The following JAZF1 variants were observed in gnomAD, a reference collection of about 807,000 sequenced individuals.
The protein encoded by JAZF1 is JAZF zinc finger 1, also known as juxtaposed with another zinc finger protein 1.
In JAZF1, 8 loss-of-function variants were observed where a neutral mutation model predicts 26.4. The ratio of observed to expected loss-of-function variants is 0.30; its 90% confidence interval spans 0.18 to 0.55. JAZF1 has a LOEUF of 0.55. JAZF1 is among the 20% of genes least tolerant of loss of function. The pLI, the probability that JAZF1 is intolerant of heterozygous loss-of-function variation, is 0.94. For missense variants in JAZF1, 199 were observed against 322.0 expected (o/e 0.62, Z 2.92); for synonymous variants, 126 against 122.3 (o/e 1.03, Z -0.20).
chr7:27,911,182 T>C (rs542517033), intron 2 of JAZF1, among the ~76,000 whole-genome samples: 1 of 152,304 alleles, frequency 6.6e-6, no homozygotes, highest in East Asian at 1.9e-4. Flanking sequence ...AACCCCTTCT[T>C]AAAATGGCTC....
intron 1 of JAZF1, among the ~76,000 whole-genome samples, chr7:28,092,327 C>G (rs1247584131): frequency 2.6e-5 from 1 of 39,160 alleles, no homozygotes; most frequent in Non-Finnish European, 5.3e-5. Context: ...AAAAAAAAAA[C>G]AACTAATGTC....
intron 3 of JAZF1, among the ~76,000 whole-genome samples, chr7:27,876,040 G>A (rs932650384): frequency 6.6e-6 from 1 of 152,154 alleles, no homozygotes; most frequent in Non-Finnish European, 1.5e-5. Context: ...TGTGGCCTGG[G>A]GCATGTTACC....
At chr7:27,893,127 C>T (rs1784000414) in intron 3 of JAZF1, among the ~76,000 whole-genome samples, 1 of 152,172 alleles carries the variant, frequency 6.6e-6, no homozygotes, top group Non-Finnish European at 1.5e-5. Context: ...GGGAAATTTA[C>T]TAAATCCTCC....
intron 1 of JAZF1, among the ~76,000 whole-genome samples, chr7:28,102,526 TACA>T (rs1485779591): frequency 6.6e-6 from 1 of 151,940 alleles, no homozygotes; most frequent in East Asian, 1.9e-4. Flanking sequence ...GAGAAAAAAA[TACA>T]ACAATGTATA....
chr7:27,862,746 C>CT (rs1306528582), intron 3 of JAZF1, among the ~76,000 whole-genome samples: 1 of 152,212 alleles, frequency 6.6e-6, no homozygotes, highest in African/African-American at 2.4e-5. Flanking sequence ...TGCTGCCTCA[C>CT]CTCTATCTTT....
intron 3 of JAZF1, among the ~76,000 whole-genome samples, chr7:27,848,363 T>A (rs1386717651): frequency 6.6e-6 from 1 of 152,238 alleles, no homozygotes; most frequent in Non-Finnish European, 1.5e-5. Context: ...TATTTGTGTA[T>A]GGACATGCTA....
At chr7:28,048,449 T>C (rs1783533950) in intron 1 of JAZF1, among the ~76,000 whole-genome samples, 1 of 152,210 alleles carries the variant, frequency 6.6e-6, no homozygotes, top group Non-Finnish European at 1.5e-5. Context: ...TTTGAATACT[T>C]AGTCCATTTA....
intron 1 of JAZF1, among the ~76,000 whole-genome samples, chr7:28,010,863 T>C (rs1212941863): frequency 6.6e-6 from 1 of 152,238 alleles, no homozygotes; most frequent in Admixed American, 6.5e-5. Context: ...CAGTAGGTCG[T>C]ATTTTCTAAC....
At chr7:27,977,811 G>A (rs147672963) in intron 2 of JAZF1, among the ~76,000 whole-genome samples, 3 of 152,258 alleles carry the variant, frequency 2.0e-5, no homozygotes, top group Non-Finnish European at 4.4e-5. Context: ...GCTGTGTTCT[G>A]CCTGGACTCT....
At chr7:27,838,455 T>G (rs1365692418) in intron 4 of JAZF1, among the ~76,000 whole-genome samples, 1 of 152,054 alleles carries the variant, frequency 6.6e-6, no homozygotes, top group African/African-American at 2.4e-5. Flanking sequence ...TGGTGAGGAC[T>G]GTAGATCCTG....
intron 3 of JAZF1, among the ~76,000 whole-genome samples, chr7:27,891,447 G>C (rs1583450410): frequency 1.3e-5 from 2 of 152,088 alleles, no homozygotes; most frequent in Admixed American, 6.5e-5. Context: ...TTTCTTAAAT[G>C]AATACTTTTT....
intron 2 of JAZF1, among the ~76,000 whole-genome samples, chr7:27,903,612 C>G (rs747175749): frequency 1.4e-4 from 21 of 152,202 alleles, no homozygotes; most frequent in Non-Finnish European, 1.6e-4. Context: ...TTAGACAACA[C>G]GCTGGGGCCC....
At chr7:28,166,283 AT>A (rs1267479703) in intron 1 of JAZF1, among the ~76,000 whole-genome samples, 2 of 152,234 alleles carry the variant, frequency 1.3e-5, no homozygotes, top group Non-Finnish European at 2.9e-5. Flanking sequence ...TATTTTAAAT[AT>A]TCTCTGCAAT....
intron 2 of JAZF1, among the ~76,000 whole-genome samples, chr7:27,980,944 T>C (rs1453864001): frequency 6.6e-6 from 1 of 152,196 alleles, no homozygotes; most frequent in Admixed American, 6.5e-5. Flanking sequence ...AGTTGTCTGT[T>C]GCTTGGCCCT....
intron 2 of JAZF1, among the ~76,000 whole-genome samples, chr7:27,939,037 A>G (rs1417154148): frequency 6.6e-6 from 1 of 152,126 alleles, no homozygotes; most frequent in Non-Finnish European, 1.5e-5. Flanking sequence ...CGCTTTTGCC[A>G]CCATCACTGT....
At chr7:28,068,669 T>C (rs542223203) in intron 1 of JAZF1, among the ~76,000 whole-genome samples, 4 of 151,894 alleles carry the variant, frequency 2.6e-5, no homozygotes, top group African/African-American at 9.7e-5. Flanking sequence ...ACAAGCAACA[T>C]AGAACAGAGA....
chr7:28,016,412 G>A lies in JAZF1; in HGVS notation c.116-24431C>T, dbSNP rs182637575. 3.9e-5 allele frequency among the ~76,000 whole-genome samples: 6 copies of A among 152,258 alleles called. No homozygotes were observed. The East Asian group carries it at 1.2e-3, about 29-fold the overall frequency. ...ATCCCTAGAATAGTGGGACATTCAC[G>A]GCTGCCCACATGTTTCTGAGGCTGG... On this transcript the variant is annotated intron_variant, in intron 1 of 4. Transcript: ENST00000283928.
At chr7:27,849,754 C>CACACACACACACACACACAG (rs1554329064) in intron 3 of JAZF1, among the ~76,000 whole-genome samples, 30 of 86,874 alleles carry the variant, frequency 3.5e-4, no homozygotes, top group Non-Finnish European at 6.1e-4. Flanking sequence ...TACACACAGA[C>CACACACACACACACACACAG]ACACACACAC....
At position 27,840,610 on chromosome 7, in the gene JAZF1, C is replaced by T. The variant is rs1782904536; in HGVS notation, c.555+88G>A. On this transcript the variant is annotated intron_variant, in intron 4 of 4. Coordinates refer to ENST00000283928, the MANE Select transcript of JAZF1 (RefSeq NM_175061.4). The surrounding 1 kb of genome is among the most constrained non-coding windows in gnomAD (Gnocchi z 5.1). ...AGTGTCTCCCCCCAGCCCATACGCT[C>T]GCTTTAAAATCAAGAAAGGGCTGCT... 5.8e-6 allele frequency: 8 copies of T among 1,372,742 alleles called. No individual in the cohort carries two copies. The highest frequency in any genetic ancestry group is 2.6e-5 in the South Asian group (2 of 77,904). The allele number at this position is 1,372,742 out of a possible 1,614,324, so 85.0% of individuals were successfully genotyped here. A position where few individuals can be genotyped will look rare whatever the true frequency, so the allele number is the denominator to read the frequency against.
Sources: allele counts gnomAD v4.1 joint callset (sites outside exome capture counted in the v4.1 genomes callset), GRCh38; gene constraint gnomAD v4.1.1; non-coding constraint Gnocchi (gnomAD v3.1); transcripts MANE v1.5; gene names NCBI Gene and HGNC (gene_info 2026-07-23, HGNC 2026-07-21).